Variants in UNC80 observed in about 807,000 individuals in gnomAD.
UNC80 encodes unc-80 subunit of NALCN channel complex.
In UNC80, 164 loss-of-function variants were observed where a neutral mutation model predicts 384.6. That is an observed-to-expected ratio of 0.43 (90% CI 0.38 to 0.49). UNC80 has a LOEUF of 0.49. UNC80 is among the 20% of genes least tolerant of loss of function. The pLI is 0.00. For missense variants in UNC80, 3,330 were observed against 4,143.0 expected (o/e 0.80, Z 5.39); for synonymous variants, 1,486 against 1,527.8 (o/e 0.97, Z 0.64).
At chr2:209,821,288 C>T (rs2080116492) in intron 13 of UNC80, among the ~76,000 whole-genome samples, 2 of 152,098 alleles carry the variant, frequency 1.3e-5, no homozygotes, top group African/African-American at 4.8e-5. Context: ...TGGGCCCAAT[C>T]CCACTAGACC....
intron 22 of UNC80, among the ~76,000 whole-genome samples, chr2:209,860,277 C>T (rs115013617): frequency 2.0e-5 from 3 of 152,160 alleles, no homozygotes; most frequent in South Asian, 4.2e-4. Flanking sequence ...CACCATTTAC[C>T]GAATAGGAAA....
rs530345147 is a variant in UNC80, at chr2:209,894,239, G to T, written c.4353G>T (p.Lys1451Asn). The T allele has an allele frequency of 2.0e-6, 2 of 985,434 alleles. No homozygotes were observed. The highest frequency in any genetic ancestry group is 2.3e-4 in the East Asian group (2 of 8,812). The allele number at this position is 985,434 out of a possible 1,614,324, so 61.0% of individuals were successfully genotyped here. ...GAACCCGCAGTTTCCAGGTGAAGAAGGGGGGTTCCTTGTCCAGCATTCGCC... is the reference window on the plus strand; with the variant it reads ...GAACCCGCAGTTTCCAGGTGAAGAATGGGGGTTCCTTGTCCAGCATTCGCC... ...IKGTRSFQVK[K>N]GGSLSSIRRV... Residue 1451 changes from lysine (K) to asparagine (N), a missense_variant, in exon 27 of 65, where the codon AAG becomes AAT. Physicochemically the swap from Lys to Asn is moderately conservative, Grantham distance 94 (BLOSUM62 0). Coordinates refer to ENST00000673920, the MANE Select transcript of UNC80 (RefSeq NM_001371986.1).
intron 7 of UNC80, chr2:209,809,662 A>G: frequency 1.7e-6 from 1 of 591,198 alleles, no homozygotes; most frequent in Non-Finnish European, 3.0e-6. Flanking sequence ...AGAAGGAAGG[A>G]GTACACCATG....
intron 23 of UNC80, 119 bp from the exon 24 acceptor site, chr2:209,877,835 A>C: frequency 8.6e-7 from 1 of 1,166,050 alleles, no homozygotes; most frequent in Non-Finnish European, 1.1e-6. Context: ...GGCATACAGA[A>C]GAGGCTTATG....
chr2:209,939,364 C>CT, intron 42 of UNC80, 108 bp from the exon 43 acceptor site: 2 of 1,197,560 alleles, frequency 1.7e-6, no homozygotes, highest in Non-Finnish European at 2.2e-6. Flanking sequence ...CCTTTTCCGA[C>CT]TTTATCAACC....
chr2:209,994,182 A>T lies in UNC80; in HGVS notation c.9626A>T (p.Lys3209Ile). The change falls in exon 64 of 65, where the codon AAA becomes ATA. Residue 3209 changes from lysine (K) to isoleucine (I), a missense_variant. Lys to Ile is a moderately radical substitution (Grantham distance 102). This residue lies in a region of UNC80 where 236 missense variants were observed against 254.9 expected (regional missense o/e 0.93). Coordinates refer to ENST00000673920, the MANE Select transcript of UNC80 (RefSeq NM_001371986.1). ...LQGCSPAPSR[K>I]PEAMDEPVLT... is the part of the protein sequence containing the mutation. ...GGCTGTAGCCCAGCCCCTTCTAGGA[A>T]ACCAGAAGCAATGGACGAACCAGTC... The T allele has an allele frequency of 6.4e-7, 1 of 1,551,480 alleles. No homozygotes were observed. Among genetic ancestry groups the T allele is most frequent in the Non-Finnish European group, 8.7e-7 (1 of 1,146,936 alleles).
At chr2:209,963,412 A>C (rs2092654464) in intron 51 of UNC80, among the ~76,000 whole-genome samples, 2 of 152,194 alleles carry the variant, frequency 1.3e-5, no homozygotes, top group African/African-American at 4.8e-5. Flanking sequence ...ATTTTGTTTT[A>C]TGCACAAAGC....
chr2:209,878,223 C>G, intron 24 of UNC80, 134 bp downstream of exon 24: 1 of 945,884 alleles, frequency 1.1e-6, no homozygotes, highest in Non-Finnish European at 1.4e-6. Flanking sequence ...CTCCCCTTTT[C>G]CCTGTGCATG....
intron 21 of UNC80, among the ~76,000 whole-genome samples, chr2:209,845,429 TC>T (rs2082103675): frequency 6.6e-6 from 1 of 152,244 alleles, no homozygotes. Flanking sequence ...AAACACATTA[TC>T]ATTACCATTT....
chr2:209,893,273 A>G (rs1259487818), intron 26 of UNC80, among the ~76,000 whole-genome samples: 1 of 152,206 alleles, frequency 6.6e-6, no homozygotes, highest in Non-Finnish European at 1.5e-5. Flanking sequence ...TGGACTTTAA[A>G]CCCTGAAAAC....
chr2:209,966,478 A>T (rs2092744724), intron 51 of UNC80, among the ~76,000 whole-genome samples: 1 of 152,224 alleles, frequency 6.6e-6, no homozygotes, highest in African/African-American at 2.4e-5. Flanking sequence ...CCTTCATACA[A>T]AATTAAATTA....
chr2:209,936,038 A>G (rs532450797), intron 40 of UNC80, among the ~76,000 whole-genome samples: 6 of 152,142 alleles, frequency 3.9e-5, no homozygotes, highest in Non-Finnish European at 8.8e-5. Context: ...ATTTTCAGGA[A>G]CATAGTTCTG....
intron 13 of UNC80, among the ~76,000 whole-genome samples, chr2:209,823,710 CTAT>C (rs950068329): frequency 1.3e-5 from 2 of 151,492 alleles, no homozygotes; most frequent in African/African-American, 2.4e-5. Flanking sequence ...ATTAGTTTTT[CTAT>C]TATTATATGC....
chr2:209,931,980 GA>G (rs2090915105), intron 38 of UNC80, among the ~76,000 whole-genome samples: 2 of 152,270 alleles, frequency 1.3e-5, no homozygotes, highest in African/African-American at 4.8e-5. Flanking sequence ...TAGCTATGTG[GA>G]GTTGGGAAGA....
rs1271431420 is a variant in UNC80 at position 209,922,283 on chromosome 2, ACTGT to A, written c.5567_5570del (p.Ser1856Ter). The stretch of plus-strand genomic sequence containing the variant: ...AAGTCACCAATCTGGCATCCCGTCG[ACTGT>A]CTGTGAGTCCATCCTGCACCTCCAG... On this transcript the variant is annotated frameshift_variant, in exon 35 of 65. Coordinates refer to ENST00000673920, the MANE Select transcript of UNC80 (RefSeq NM_001371986.1). LOFTEE classifies it high-confidence loss of function. 6.4e-7 allele frequency: 1 copy of A among 1,552,104 alleles called. No individual in the cohort carries two copies. Among genetic ancestry groups the A allele is most frequent in the East Asian group, 2.4e-5 (1 of 40,926 alleles).
chr2:209,849,700 C>A, intron 22 of UNC80, 77 bp downstream of exon 22: 2 of 1,367,538 alleles, frequency 1.5e-6, no homozygotes, highest in Non-Finnish European at 9.9e-7. Context: ...CATGATTCCC[C>A]AATTGTAATC....
chr2:209,861,621 C>G (rs1040325056), intron 22 of UNC80, among the ~76,000 whole-genome samples: 6 of 152,168 alleles, frequency 3.9e-5, no homozygotes, highest in African/African-American at 1.4e-4. Flanking sequence ...ACCAGCTCCT[C>G]TTTATATTTC....
At chr2:209,971,458 C>T (rs2092882176) in intron 54 of UNC80, among the ~76,000 whole-genome samples, 1 of 88,756 alleles carries the variant, frequency 1.1e-5, no homozygotes, top group Non-Finnish European at 2.2e-5. Context: ...ATAATCATTC[C>T]CAAGGCAAAA....
At chr2:209,831,378 C>T in intron 15 of UNC80, 65 bp from the exon 16 acceptor site, 1 of 1,487,204 alleles carries the variant, frequency 6.7e-7, no homozygotes, top group South Asian at 1.4e-5. Flanking sequence ...CAAGTACTGC[C>T]TTACTCCTAC....
Sources: allele counts gnomAD v4.1 joint callset (sites outside exome capture counted in the v4.1 genomes callset), GRCh38; gene constraint gnomAD v4.1.1; regional missense constraint gnomAD v4.1.1; transcripts MANE v1.5; gene names NCBI Gene and HGNC (gene_info 2026-07-23, HGNC 2026-07-21).